Variants in SMARCA2 observed in about 807,000 individuals in gnomAD.
The protein encoded by SMARCA2 is SWI/SNF related BAF chromatin remodeling complex subunit ATPase 2, also known as SWI/SNF-related matrix-associated actin-dependent regulator of chromatin subfamily A member 2.
Under a neutral mutation model 199.8 loss-of-function variants are expected in SMARCA2, and 61 were observed. The ratio of observed to expected loss-of-function variants is 0.31; its 90% CI spans 0.25 to 0.38. The LOEUF (loss-of-function observed/expected upper bound fraction) is 0.38, where lower values mean the gene tolerates loss of function less well. Ranked by LOEUF, SMARCA2 falls within the 10% of genes least tolerant of loss-of-function variation. The pLI is 1.00. For synonymous variants in SMARCA2, 935 were observed against 732.0 expected (o/e 1.28, Z -4.48); for missense variants, 1,344 against 2,012.2 (o/e 0.67, Z 6.35).
At chr9:2,174,166 G>C (rs1043384054) in intron 29 of SMARCA2, among the ~76,000 whole-genome samples, 1 of 152,012 alleles carries the variant, frequency 6.6e-6, no homozygotes, top group East Asian at 1.9e-4. Flanking sequence ...CCCCTCTTTC[G>C]AGGGTCTCTG....
rs1338807650 is a variant in SMARCA2, at chr9:2,110,204, C to T, written c.3293-50C>T. 2.0e-6 allele frequency: 3 copies of T among 1,482,022 alleles called. No homozygotes were observed. The highest frequency in any genetic ancestry group is 2.7e-6 in the Non-Finnish European group (3 of 1,093,720). 91.8% of individuals were successfully genotyped at this position (1,482,022 alleles called of 1,614,324 possible). A position where few individuals can be genotyped will look rare whatever the true frequency, so the allele number is the denominator to read the frequency against. On this transcript the variant is annotated intron_variant, in intron 23 of 33. Coordinates refer to ENST00000349721, the MANE Select transcript of SMARCA2 (RefSeq NM_003070.5). The surrounding 1 kb of genome is among the most constrained non-coding windows in gnomAD (Gnocchi z 4.8). Reference sequence around the variant, plus strand: ...CAAGCCTTTTTGTCTCATTCTGTGCCATTTTCAGACAAGAGTTAATTGGCA... The same window carrying T: ...CAAGCCTTTTTGTCTCATTCTGTGCTATTTTCAGACAAGAGTTAATTGGCA...
chr9:2,075,184 TC>T (rs1320473191), intron 12 of SMARCA2: 1 of 152,466 alleles, frequency 6.6e-6, no homozygotes, highest in African/African-American at 2.4e-5. Context: ...GCGTTTTATT[TC>T]CTGGCCTGGA....
Position 2,170,557 on chromosome 9 carries a change from T to A in SMARCA2, c.4253+85T>A. ...CAGATTGAATCATATAATCGGCCTT[T>A]GGAAGCAAATTTCTTCGGTCACCTC... On this transcript the variant is annotated intron_variant, in intron 29 of 33. Coordinates refer to ENST00000349721, the MANE Select transcript of SMARCA2 (RefSeq NM_003070.5). The surrounding 1 kb of genome is among the most constrained non-coding windows in gnomAD (Gnocchi z 4.7). 15 of 1,605,544 alleles carry A rather than the reference T, an allele frequency of 9.3e-6. No homozygotes were observed. Among genetic ancestry groups the A allele is most frequent in the Non-Finnish European group, 1.3e-5 (15 of 1,174,756 alleles).
intron 3 of SMARCA2, 157 bp downstream of exon 3, chr9:2,033,238 A>G (rs1017533407): frequency 1.5e-6 from 1 of 677,266 alleles, no homozygotes; most frequent in East Asian, 2.9e-5. Context: ...GTCCTCACCA[A>G]TACAACCTGA....
At chr9:2,089,693 T>G (rs1211271525) in intron 19 of SMARCA2, among the ~76,000 whole-genome samples, 1 of 152,228 alleles carries the variant, frequency 6.6e-6, no homozygotes, top group African/African-American at 2.4e-5. Context: ...TAGAATGCTA[T>G]TGATATTCCC....
In SMARCA2 at chr9:2,026,535, C is replaced by T. The variant is rs539567308; in HGVS notation, c.-36-2452C>T. On this transcript the variant is annotated intron_variant, in intron 1 of 33. Coordinates refer to ENST00000349721, the MANE Select transcript of SMARCA2 (RefSeq NM_003070.5). ...TGCATGTGGAAAGTAGCATTATGGG[C>T]TAATGTATATTAGAATTTCATGTTT... 3.3e-5 allele frequency among the ~76,000 whole-genome samples: 5 copies of T among 152,206 alleles called. No individual in the cohort carries two copies. The East Asian group carries it at 9.6e-4, about 29-fold the overall frequency.
At chr9:2,183,651 C>A (rs759325806) in intron 31 of SMARCA2, among the ~76,000 whole-genome samples, 7 of 152,178 alleles carry the variant, frequency 4.6e-5, no homozygotes, top group Non-Finnish European at 1.0e-4. Context: ...ATAGAGAAAT[C>A]TTCAGAATGT....
At chr9:2,129,405 G>A (rs1039143891) in intron 27 of SMARCA2, among the ~76,000 whole-genome samples, 7 of 152,110 alleles carry the variant, frequency 4.6e-5, no homozygotes, top group African/African-American at 1.4e-4. Flanking sequence ...GCGACACAGC[G>A]AGACTCCATC....
chr9:2,131,462 C>A (rs1056588515), intron 27 of SMARCA2, among the ~76,000 whole-genome samples: 1 of 152,258 alleles, frequency 6.6e-6, no homozygotes, highest in East Asian at 1.9e-4. Context: ...TTCTTTAGAT[C>A]TTTAAATTGG....
At chr9:2,178,915 C>T (rs912090222) in intron 29 of SMARCA2, among the ~76,000 whole-genome samples, 1 of 152,122 alleles carries the variant, frequency 6.6e-6, no homozygotes, top group African/African-American at 2.4e-5. Flanking sequence ...TGTAAGAGAA[C>T]CCCACCCTGT....
intron 5 of SMARCA2, among the ~76,000 whole-genome samples, chr9:2,050,732 C>G (rs4741637): frequency 0.28 from 42,900 of 151,784 alleles, 6,982 homozygotes; most frequent in African/African-American, 0.47. Context: ...AAGTCACACA[C>G]GCTCTCTTTT....
chr9:2,166,174 GA>G (rs1825922996), intron 28 of SMARCA2, among the ~76,000 whole-genome samples: 1 of 152,124 alleles, frequency 6.6e-6, no homozygotes. Flanking sequence ...CTTCAGGTAG[GA>G]ACACTTCACT....
At chr9:2,043,364 G>A (rs1331501913) in intron 4 of SMARCA2, 1 of 152,168 alleles carries the variant, frequency 6.6e-6, no homozygotes, top group Non-Finnish European at 1.5e-5. Context: ...CAAAATGTCA[G>A]CCACTCTTAC....
rs762843612 is a variant in SMARCA2, at chr9:2,115,815, C to A, written c.3457-7C>A. 1.2e-6 allele frequency: 2 copies of A among 1,612,716 alleles called. No homozygotes were observed. Among genetic ancestry groups the A allele is most frequent in the East Asian group, 2.2e-5 (1 of 44,808 alleles). ...CAGTCCTCATAGCATATTGACCCCC[C>A]AAACAGGATCTGCAGGCCCAAGACC... On this transcript the variant is annotated splice_region_variant and splice_polypyrimidine_tract_variant and intron_variant, in intron 24 of 33. Coordinates refer to ENST00000349721, the MANE Select transcript of SMARCA2 (RefSeq NM_003070.5). This position sits in a 1 kb window ranked among gnomAD's most constrained non-coding sequence, Gnocchi z 6.0.
At chr9:2,192,085 C>CA (rs1426690813) in intron 33 of SMARCA2, 4 of 156,852 alleles carry the variant, frequency 2.6e-5, no homozygotes, top group Non-Finnish European at 5.6e-5. Context: ...TAGCATAACT[C>CA]AGTCTAGTGT....
chr9:2,097,044 T>C, intron 20 of SMARCA2: 1 of 497,200 alleles, frequency 2.0e-6, no homozygotes, highest in East Asian at 3.5e-5. Flanking sequence ...GGTGGCATTT[T>C]AGAAGGTTTT....
At chr9:2,159,958 C>G in intron 27 of SMARCA2, 2 of 1,574,256 alleles carry the variant, frequency 1.3e-6, no homozygotes, top group Non-Finnish European at 1.7e-6. Flanking sequence ...AGAACTACAT[C>G]CCAGGCATGT....
chr9:2,100,144 A>G (rs2130539825), intron 21 of SMARCA2, among the ~76,000 whole-genome samples: 1 of 152,352 alleles, frequency 6.6e-6, no homozygotes, highest in South Asian at 2.1e-4. Context: ...GGCTGATGTG[A>G]AGGTGTAACC....
At chr9:2,078,894 G>A (rs919526769) in intron 14 of SMARCA2, among the ~76,000 whole-genome samples, 4 of 151,492 alleles carry the variant, frequency 2.6e-5, no homozygotes, top group East Asian at 1.9e-4. Context: ...ACAGTGAGCC[G>A]AGATAGCACC....
Sources: gnomAD v4.1 joint callset for allele counts (sites outside exome capture counted in the v4.1 genomes callset) on GRCh38, gnomAD v4.1.1 for gene constraint, Gnocchi (gnomAD v3.1) non-coding constraint, MANE v1.5 for transcripts, NCBI Gene and HGNC (gene_info 2026-07-23, HGNC 2026-07-21) for gene names.